ARL6IP6: variants seen among roughly 807,000 people sequenced by gnomAD.
ARL6IP6 encodes the protein ADP-ribosylation factor-like protein 6-interacting protein 6.
ARL6IP6 carries 22 observed loss-of-function variants against 21.5 expected under a neutral mutation model. The observed-to-expected ratio is 1.02, with a 90% confidence interval of 0.73 to 1.46. The LOEUF (loss-of-function observed/expected upper bound fraction) is 1.46, where lower values mean the gene tolerates loss of function less well. ARL6IP6 is among the 40% of genes most tolerant of loss of function. The pLI is 0.00. For missense variants in ARL6IP6, 388 were observed against 299.8 expected, an observed-to-expected ratio of 1.29 and a Z score of -2.17; for synonymous variants, 164 against 125.3, an observed-to-expected ratio of 1.31 and a Z score of -2.06.
Position 152,718,789 on chromosome 2 carries a change from GC to G in ARL6IP6, c.166del (p.Arg56GlyfsTer75). 6.2e-7 allele frequency: 1 copy of G among 1,607,126 alleles called. No homozygotes were observed. On this transcript the variant is annotated frameshift_variant, in exon 1 of 4. Transcript: ENST00000326446. LOFTEE classifies it high-confidence loss of function. ...GATGCGACCAAGTGGCCCGCGACCT[GC>G]GGGCGGAGTTCTCGGCTGGGGCGTG... ...EGCDQVARDLRAEFSAGAWSE... is the reference protein window; with the variant it reads ...EGCDQVARDLXAEFSAGAWSE...
At chr2:152,740,603 A>G (rs977550092) in intron 3 of ARL6IP6, among the ~76,000 whole-genome samples, 116 of 152,130 alleles carry the variant, frequency 7.6e-4, no homozygotes, top group African/African-American at 2.7e-3. Context: ...GTATGTGTAT[A>G]TATTTGTATA....
At chr2:152,738,041 G>A (rs1199983449) in intron 3 of ARL6IP6, among the ~76,000 whole-genome samples, 1 of 151,990 alleles carries the variant, frequency 6.6e-6, no homozygotes, top group East Asian at 1.9e-4. Context: ...TACAAGCACT[G>A]TAAATACACC....
intron 3 of ARL6IP6, among the ~76,000 whole-genome samples, chr2:152,743,572 T>G (rs2105154746): frequency 6.6e-6 from 1 of 152,284 alleles, no homozygotes; most frequent in African/African-American, 2.4e-5. Context: ...GCCCCTAGCA[T>G]GTAATGATTT....
intron 3 of ARL6IP6, among the ~76,000 whole-genome samples, chr2:152,750,594 A>G (rs768790294): frequency 5.9e-5 from 9 of 152,026 alleles, no homozygotes. Flanking sequence ...CCTGAGAAGC[A>G]TGAAATCTTA....
chr2:152,755,214 G>A (rs1701523047), intron 3 of ARL6IP6, among the ~76,000 whole-genome samples: 2 of 152,298 alleles, frequency 1.3e-5, no homozygotes, highest in South Asian at 2.1e-4. Flanking sequence ...CAGCATCTGC[G>A]AAGACACGCG....
At chr2:152,759,708 C>CATTTTTCTTTTTTGATTTGT (rs761733100) in intron 3 of ARL6IP6, 39 bp from the exon 4 acceptor site, 2 of 1,538,456 alleles carry the variant, frequency 1.3e-6, no homozygotes, top group Non-Finnish European at 1.8e-6. Flanking sequence ...TACCACGTTA[C>CATTTTTCTTTTTTGATTTGT]ATTTTTCTTT....
intron 3 of ARL6IP6, among the ~76,000 whole-genome samples, chr2:152,736,446 G>A (rs1319589330): frequency 2.0e-5 from 3 of 152,130 alleles, no homozygotes; most frequent in Non-Finnish European, 4.4e-5. Flanking sequence ...TTGCTTTGAA[G>A]CCATCAATAT....
chr2:152,745,271 T>C (rs1014610641), intron 3 of ARL6IP6, among the ~76,000 whole-genome samples: 2 of 152,126 alleles, frequency 1.3e-5, no homozygotes, highest in Admixed American at 6.5e-5. Flanking sequence ...AATCATAATA[T>C]GCAATTCAAG....
chr2:152,737,555 A>G (rs1301757434), intron 3 of ARL6IP6, among the ~76,000 whole-genome samples: 1 of 152,284 alleles, frequency 6.6e-6, no homozygotes, highest in Admixed American at 6.5e-5. Context: ...ATTGACTCAC[A>G]GTTCCACATG....
At chr2:152,726,195 G>A (rs1000560755) in intron 2 of ARL6IP6, among the ~76,000 whole-genome samples, 12 of 152,050 alleles carry the variant, frequency 7.9e-5, no homozygotes, top group African/African-American at 2.9e-4. Context: ...CCAATGTTGG[G>A]AACTACAGGT....
At chr2:152,754,758 C>A (rs1701499791) in intron 3 of ARL6IP6, among the ~76,000 whole-genome samples, 1 of 152,092 alleles carries the variant, frequency 6.6e-6, no homozygotes, top group African/African-American at 2.4e-5. Flanking sequence ...TTATAACCAT[C>A]CAAGTAGTGA....
At chr2:152,756,475 T>G (rs898915452) in intron 3 of ARL6IP6, among the ~76,000 whole-genome samples, 1 of 152,172 alleles carries the variant, frequency 6.6e-6, no homozygotes, top group Non-Finnish European at 1.5e-5. Flanking sequence ...TTAACTGGAC[T>G]TTATTCAAAT....
upstream of ARL6IP6, chr2:152,717,690 A>C: frequency 7.2e-7 from 1 of 1,397,842 alleles, no homozygotes. Flanking sequence ...CGTCGGGAAA[A>C]CTCTACCAAC....
intron 3 of ARL6IP6, among the ~76,000 whole-genome samples, chr2:152,742,310 G>A (rs1345463523): frequency 6.6e-6 from 1 of 152,166 alleles, no homozygotes; most frequent in African/African-American, 2.4e-5. Flanking sequence ...GCTTATGCCT[G>A]TAATCGCAGC....
chr2:152,758,298 AT>A (rs1055779176), intron 3 of ARL6IP6, among the ~76,000 whole-genome samples: 4 of 149,088 alleles, frequency 2.7e-5, no homozygotes, highest in Admixed American at 6.7e-5. Context: ...GTACGGATGC[AT>A]TTTTTTTTTC....
At chr2:152,728,195 A>C (rs775766888) in intron 2 of ARL6IP6, among the ~76,000 whole-genome samples, 1 of 152,212 alleles carries the variant, frequency 6.6e-6, no homozygotes, top group Non-Finnish European at 1.5e-5. Flanking sequence ...GTATTTCATA[A>C]TATAAGTATA....
At chr2:152,729,143 G>A (rs977272621) in intron 2 of ARL6IP6, among the ~76,000 whole-genome samples, 9 of 152,076 alleles carry the variant, frequency 5.9e-5, no homozygotes, top group East Asian at 5.8e-4. Context: ...AGGCTGAGGC[G>A]GGTGGAACAT....
chr2:152,729,369 T>C (rs1023102693), intron 2 of ARL6IP6, among the ~76,000 whole-genome samples: 21 of 152,280 alleles, frequency 1.4e-4, no homozygotes, highest in African/African-American at 5.1e-4. Flanking sequence ...TGTACACACA[T>C]ATATGCACAC....
chr2:152,746,615 A>G (rs1235811357), intron 3 of ARL6IP6, among the ~76,000 whole-genome samples: 1 of 152,114 alleles, frequency 6.6e-6, no homozygotes. Flanking sequence ...CCTCATCTCT[A>G]AAATGGAGTA....
Sources: gnomAD v4.1 joint callset for allele counts (sites outside exome capture counted in the v4.1 genomes callset) on GRCh38, gnomAD v4.1.1 for gene constraint, MANE v1.5 for transcripts, NCBI Gene and HGNC (gene_info 2026-07-23, HGNC 2026-07-21) for gene names.